Variants in THUMPD2 observed in about 807,000 individuals in gnomAD.
THUMPD2 encodes U6 snRNA (guanine-N(2))-methyltransferase THUMPD2.
In THUMPD2, 56 loss-of-function variants were observed where a neutral mutation model predicts 49.4. The ratio of observed to expected loss-of-function variants is 1.13; its 90% CI spans 0.91 to 1.41. The LOEUF is 1.41. THUMPD2 is among the 40% of genes most tolerant of loss of function. The probability of loss-of-function intolerance (pLI) is 0.00; values close to 1 mark genes in which losing one functional copy is unlikely to be tolerated. For missense variants in THUMPD2, 709 were observed against 594.5 expected (o/e 1.19, Z -2.00); for synonymous variants, 237 against 205.2 (o/e 1.15, Z -1.32).
At chr2:39,773,007 T>C (rs2148346116) in intron 1 of THUMPD2, among the ~76,000 whole-genome samples, 1 of 152,108 alleles carries the variant, frequency 6.6e-6, no homozygotes, top group East Asian at 1.9e-4. Flanking sequence ...CCAAAATAGA[T>C]GGAGGAACAG....
Position 39,744,420 on chromosome 2 carries a change from T to C in THUMPD2, c.1137A>G (p.Lys379=), listed in dbSNP as rs531948150. The C allele has an allele frequency of 8.2e-6, 13 of 1,591,680 alleles. No homozygotes were observed. In the East Asian group the frequency reaches 2.5e-4, roughly 31 times the overall value. ...TGATGTCTTTTCCTAACTTAAACTTTTTCCCAAATGGAATGTCAGAAATAA... is the reference window on the plus strand; with the variant it reads ...TGATGTCTTTTCCTAACTTAAACTTCTTCCCAAATGGAATGTCAGAAATAA... The part of the protein sequence containing the change: ...DIIISDIPFG[K]KFKLGKDIKS... The change falls in exon 9 of 10, where the codon AAA becomes AAG. Residue 379 remains lysine, a synonymous_variant. Transcript: ENST00000505747.
At chr2:39,755,525 G>T in intron 7 of THUMPD2, 116 bp from the exon 8 acceptor site, 1 of 673,568 alleles carries the variant, frequency 1.5e-6, no homozygotes, top group Non-Finnish European at 2.4e-6. Context: ...TTTAAATTCA[G>T]GTCAAAACAC....
In THUMPD2 at chr2:39,740,509, G is replaced by A. The variant is rs1673754568; in HGVS notation, c.1188-3450C>T. The stretch of plus-strand genomic sequence containing the variant: ...TTATTGTAATTTTGTTCAAATAATG[G>A]AGAGAAAGTGAAAATCACCTGAAAT... On this transcript the variant is annotated intron_variant, in intron 9 of 9. Transcript: ENST00000505747. 2.6e-5 allele frequency among the ~76,000 whole-genome samples: 4 copies of A among 152,276 alleles called. No individual in the cohort carries two copies. The South Asian group carries it at 6.2e-4, about 24-fold the overall frequency.
chr2:39,745,504 C>T (rs1206565083), intron 8 of THUMPD2, among the ~76,000 whole-genome samples: 1 of 152,136 alleles, frequency 6.6e-6, no homozygotes, highest in Non-Finnish European at 1.5e-5. Context: ...AGTACACATC[C>T]ATTTACAAAA....
chr2:39,749,975 A>G lies in THUMPD2; in HGVS notation c.1078+5320T>C, dbSNP rs544043881. On this transcript the variant is annotated intron_variant, in intron 8 of 9. Coordinates refer to ENST00000505747, the MANE Select transcript of THUMPD2 (RefSeq NM_025264.5). ...CAGTATTTTACGGTATATATGTACT[A>G]TATTTTCTTTATCCAGTCTGTCACT... Among the ~76,000 whole-genome samples, 5 of 152,306 alleles carry G rather than the reference A, an allele frequency of 3.3e-5. No individual in the cohort carries two copies. In the South Asian group the frequency reaches 1.0e-3, roughly 32 times the overall value.
intron 8 of THUMPD2, among the ~76,000 whole-genome samples, chr2:39,753,242 G>GC (rs901946024): frequency 7.9e-5 from 12 of 152,060 alleles, no homozygotes; most frequent in African/African-American, 2.9e-4. Flanking sequence ...TCTCTCAAGA[G>GC]CCCCTCCAGG....
At chr2:39,749,642 A>C (rs1351227905) in intron 8 of THUMPD2, among the ~76,000 whole-genome samples, 1 of 151,884 alleles carries the variant, frequency 6.6e-6, no homozygotes, top group African/African-American at 2.4e-5. Context: ...TATGTGCAGG[A>C]TGTATGGGTT....
chr2:39,776,284 T>A (rs1679081835), intron 1 of THUMPD2, among the ~76,000 whole-genome samples: 2 of 151,976 alleles, frequency 1.3e-5, no homozygotes, highest in African/African-American at 2.4e-5. Context: ...AGAAAAAACA[T>A]CAAACCTGAA....
chr2:39,740,237 T>C (rs1673718052), intron 9 of THUMPD2, among the ~76,000 whole-genome samples: 1 of 152,182 alleles, frequency 6.6e-6, no homozygotes, highest in South Asian at 2.1e-4. Flanking sequence ...AAATAAAAAA[T>C]TGGGGATTAT....
At chr2:39,742,976 A>G (rs1034211687) in intron 9 of THUMPD2, among the ~76,000 whole-genome samples, 2 of 152,204 alleles carry the variant, frequency 1.3e-5, no homozygotes, top group East Asian at 1.9e-4. Flanking sequence ...TAATATTTCA[A>G]GAGTTAGGCA....
chr2:39,765,144 G>C (rs1677336867), intron 5 of THUMPD2, among the ~76,000 whole-genome samples: 1 of 152,074 alleles, frequency 6.6e-6, no homozygotes, highest in South Asian at 2.1e-4. Flanking sequence ...ACTGCTACGG[G>C]TGAGATACTC....
Position 39,770,075 on chromosome 2 carries a change from C to T in THUMPD2, c.307G>A (p.Gly103Arg). 1 of 1,547,806 alleles carries T rather than the reference C, an allele frequency of 6.5e-7. No individual in the cohort carries two copies. ...ATTGAAATGGCATTCAACCAACTTCCTGGATCTTCATTTATAAGTCTTTGC... is the reference window on the plus strand; with the variant it reads ...ATTGAAATGGCATTCAACCAACTTCTTGGATCTTCATTTATAAGTCTTTGC... ...EMQRLINEDP[G>R]SWLNAISIWK... The change falls in exon 3 of 10, where the codon GGA becomes AGA. Residue 103 changes from glycine (G) to arginine (R), a missense_variant. Physicochemically the swap from Gly to Arg is moderately radical, Grantham distance 125. Coordinates refer to ENST00000505747, the MANE Select transcript of THUMPD2 (RefSeq NM_025264.5).
chr2:39,775,482 G>A (rs1291824180), intron 1 of THUMPD2, among the ~76,000 whole-genome samples: 1 of 151,950 alleles, frequency 6.6e-6, no homozygotes, highest in Non-Finnish European at 1.5e-5. Context: ...TGTAAAAAGG[G>A]CATTCAGCTG....
Position 39,757,279 on chromosome 2 carries a change from G to A in THUMPD2, c.892-1319C>T, listed in dbSNP as rs545112721. 4 of 756,196 alleles carry A rather than the reference G, an allele frequency of 5.3e-6. No homozygotes were observed. The East Asian group carries it at 2.6e-4, about 49-fold the overall frequency. The allele number at this position is 756,196 out of a possible 1,614,324, so 46.8% of individuals were successfully genotyped here. A position where few individuals can be genotyped will look rare whatever the true frequency, so the allele number is the denominator to read the frequency against. On this transcript the variant is annotated intron_variant, in intron 6 of 9. Coordinates refer to ENST00000505747, the MANE Select transcript of THUMPD2 (RefSeq NM_025264.5). ...GTCAGGCCCAGTCGTGCTCGAGATA[G>A]GGGAGAAAAGACATCCACCACTTGA...
At chr2:39,762,859 A>C (rs1256880068) in intron 5 of THUMPD2, among the ~76,000 whole-genome samples, 1 of 151,514 alleles carries the variant, frequency 6.6e-6, no homozygotes, top group Admixed American at 6.6e-5. Context: ...AAGCAGCAGG[A>C]ATTTATATGG....
intron 9 of THUMPD2, among the ~76,000 whole-genome samples, chr2:39,739,551 AC>A (rs1558483460): frequency 1.3e-5 from 2 of 152,328 alleles, no homozygotes; most frequent in South Asian, 4.1e-4. Context: ...TTACTGATTA[AC>A]CATCTGTCTT....
chr2:39,760,211 T>C (rs13027830), intron 6 of THUMPD2, among the ~76,000 whole-genome samples: 1 of 152,112 alleles, frequency 6.6e-6, no homozygotes, highest in Non-Finnish European at 1.5e-5. Context: ...GGTCTCACTG[T>C]AGAGAGGAGA....
chr2:39,778,105 T>C (rs967257750), intron 1 of THUMPD2, among the ~76,000 whole-genome samples: 3 of 152,224 alleles, frequency 2.0e-5, no homozygotes, highest in African/African-American at 7.2e-5. Flanking sequence ...CTGTGCTTCA[T>C]TTTTCTCATC....
In THUMPD2 at chr2:39,779,183, G is replaced by A. The variant is rs749265474; in HGVS notation, c.57C>T (p.Phe19=). The change falls in exon 1 of 10, where the codon TTC becomes TTT. Residue 19 remains phenylalanine (F), a synonymous_variant. Coordinates refer to ENST00000505747, the MANE Select transcript of THUMPD2 (RefSeq NM_025264.5). ...GSGPEAGARF[F]CTAGRGLEPF... is the part of the protein sequence containing the mutation. ...GCTCCAGGCCGCGACCCGCAGTGCA[G>A]AAGAATCGGGCGCCAGCCTCAGGCC... 4.6e-6 allele frequency: 7 copies of A among 1,519,430 alleles called. No individual in the cohort carries two copies. The highest frequency in any genetic ancestry group is 3.7e-5 in the South Asian group (3 of 81,670). 94.1% of individuals were successfully genotyped at this position (1,519,430 alleles called of 1,614,324 possible). A position where few individuals can be genotyped will look rare whatever the true frequency, so the allele number is the denominator to read the frequency against.
Sources: gnomAD v4.1 joint callset for allele counts (sites outside exome capture counted in the v4.1 genomes callset) on GRCh38, gnomAD v4.1.1 for gene constraint, MANE v1.5 for transcripts, NCBI Gene and HGNC (gene_info 2026-07-23, HGNC 2026-07-21) for gene names.